The following CSMD1 variants were observed in gnomAD, a reference collection of about 807,000 sequenced individuals.
CSMD1 encodes CUB and Sushi multiple domains 1.
In CSMD1, 213 loss-of-function variants were observed where a neutral mutation model predicts 417.5. The ratio of observed to expected loss-of-function variants is 0.51; its 90% confidence interval spans 0.46 to 0.57. The LOEUF (loss-of-function observed/expected upper bound fraction) is 0.57. Among genes scored for constraint, CSMD1 ranks in the 20% least tolerant of loss-of-function variants. The pLI is 0.00. For synonymous variants in CSMD1, 2,862 were observed against 1,736.8 expected (o/e 1.65, Z -16.11); for missense variants, 6,923 against 4,529.7 (o/e 1.53, Z -15.17).
intron 7 of CSMD1, among the ~76,000 whole-genome samples, chr8:3,640,222 G>C (rs1797241958): frequency 6.6e-6 from 1 of 152,136 alleles, no homozygotes; most frequent in Non-Finnish European, 1.5e-5. Flanking sequence ...TCAATGTGCT[G>C]AGAATTGATT....
At chr8:3,139,423 G>C (rs576787179) in intron 41 of CSMD1, among the ~76,000 whole-genome samples, 16 of 152,288 alleles carry the variant, frequency 1.1e-4, no homozygotes, top group African/African-American at 3.4e-4. Flanking sequence ...AGGGAAAAGG[G>C]CGTCAAGAGA....
chr8:3,748,853 G>C (rs1284051404), intron 6 of CSMD1, among the ~76,000 whole-genome samples: 2 of 152,164 alleles, frequency 1.3e-5, no homozygotes, highest in East Asian at 3.9e-4. Flanking sequence ...CTAATTATTT[G>C]TGTCAACACA....
intron 7 of CSMD1, among the ~76,000 whole-genome samples, chr8:3,617,310 G>T (rs1802190435): frequency 6.6e-6 from 1 of 152,176 alleles, no homozygotes; most frequent in Non-Finnish European, 1.5e-5. Flanking sequence ...CAAATGCACT[G>T]ATTTATTTCT....
intron 3 of CSMD1, among the ~76,000 whole-genome samples, chr8:4,183,978 G>A (rs564865439): frequency 2.0e-5 from 3 of 152,144 alleles, no homozygotes; most frequent in African/African-American, 7.2e-5. Context: ...AAAATTCTCA[G>A]AGCCTCCGAC....
rs1401421470 is a variant in CSMD1 at position 4,474,949 on chromosome 8, T to TC, written c.303-54885dup. ...ATGTGTTAATTGACGGTTTGTGTTA[T>TC]CTGTAAGATTCCTGGTCAACTACAG... On this transcript the variant is annotated intron_variant, in intron 2 of 69. Transcript: ENST00000635120. 1.4e-4 allele frequency among the ~76,000 whole-genome samples: 21 copies of TC among 152,354 alleles called. 1 individual carries two copies. The highest frequency in any genetic ancestry group is 4.3e-4 in the African/African-American group (18 of 41,586).
chr8:3,069,918 C>T (rs185799400), intron 49 of CSMD1, among the ~76,000 whole-genome samples: 8 of 152,366 alleles, frequency 5.3e-5, no homozygotes, highest in Admixed American at 1.3e-4. Flanking sequence ...TAGAGGCTAT[C>T]AGGTACTCTT....
chr8:4,876,355 T>C (rs935864997), intron 1 of CSMD1, among the ~76,000 whole-genome samples: 1 of 152,008 alleles, frequency 6.6e-6, no homozygotes, highest in Admixed American at 6.5e-5. Context: ...TAACAAACAA[T>C]TGTGAAAAAA....
intron 1 of CSMD1, among the ~76,000 whole-genome samples, chr8:4,975,687 G>A (rs998686817): frequency 6.6e-6 from 1 of 152,134 alleles, no homozygotes; most frequent in African/African-American, 2.4e-5. Flanking sequence ...GTAGGCAAAG[G>A]GCTATTACCA....
At position 3,823,636 on chromosome 8, in the gene CSMD1, A is replaced by T. The variant is rs1585049548; in HGVS notation, c.819-69594T>A. 2.0e-5 allele frequency among the ~76,000 whole-genome samples: 3 copies of T among 152,310 alleles called. No homozygotes were observed. The South Asian group carries it at 6.2e-4, about 32-fold the overall frequency. On this transcript the variant is annotated intron_variant, in intron 5 of 69. Coordinates refer to ENST00000635120, the MANE Select transcript of CSMD1 (RefSeq NM_033225.6). ...ATCAAATAACATTTTTATAAAAATAATGTATAACAATAAAAATACAAAATC... is the reference window on the plus strand; with the variant it reads ...ATCAAATAACATTTTTATAAAAATATTGTATAACAATAAAAATACAAAATC...
chr8:3,257,247 C>T (rs1800720593), intron 26 of CSMD1, among the ~76,000 whole-genome samples: 1 of 152,198 alleles, frequency 6.6e-6, no homozygotes, highest in Non-Finnish European at 1.5e-5. Flanking sequence ...TCGCTTCAAC[C>T]TGGGAGGCAG....
At chr8:4,193,822 C>T (rs1437485747) in intron 3 of CSMD1, among the ~76,000 whole-genome samples, 2 of 151,928 alleles carry the variant, frequency 1.3e-5, no homozygotes, top group Non-Finnish European at 2.9e-5. Flanking sequence ...AGCAGGAAAA[C>T]AGAATACAGT....
chr8:3,562,102 T>A (rs1372340253), intron 10 of CSMD1, among the ~76,000 whole-genome samples: 1 of 147,664 alleles, frequency 6.8e-6, no homozygotes, highest in Non-Finnish European at 1.5e-5. Flanking sequence ...CAGATGAACA[T>A]AACCATATGA....
intron 69 of CSMD1, among the ~76,000 whole-genome samples, chr8:2,941,723 A>G (rs990822685): frequency 6.6e-6 from 1 of 152,222 alleles, no homozygotes; most frequent in Non-Finnish European, 1.5e-5. Context: ...AAGAGATGGA[A>G]CATCTATATT....
At chr8:4,241,896 A>T (rs1802428343) in intron 3 of CSMD1, among the ~76,000 whole-genome samples, 2 of 152,178 alleles carry the variant, frequency 1.3e-5, no homozygotes, top group Non-Finnish European at 1.5e-5. Flanking sequence ...AATGCAAGGC[A>T]TAAAGACAAC....
At chr8:3,875,934 G>T (rs1268715086) in intron 5 of CSMD1, among the ~76,000 whole-genome samples, 1 of 152,180 alleles carries the variant, frequency 6.6e-6, no homozygotes, top group African/African-American at 2.4e-5. Context: ...AGATCAATGG[G>T]AAGCTCGGAG....
chr8:4,302,522 G>T (rs947172251), intron 3 of CSMD1, among the ~76,000 whole-genome samples: 2 of 152,118 alleles, frequency 1.3e-5, no homozygotes, highest in African/African-American at 2.4e-5. Context: ...TTGCATGTAG[G>T]AAGTCAGATT....
chr8:3,976,999 G>T (rs2554715), intron 5 of CSMD1, among the ~76,000 whole-genome samples: 35,778 of 152,160 alleles, frequency 0.24, 4,370 homozygotes, highest in Admixed American at 0.34. Flanking sequence ...TGCAGTGGGT[G>T]GGGGCGTGAA....
chr8:4,011,369 T>C (rs1816520313), intron 4 of CSMD1, among the ~76,000 whole-genome samples: 1 of 152,220 alleles, frequency 6.6e-6, no homozygotes, highest in African/African-American at 2.4e-5. Flanking sequence ...TTTCTTTTGA[T>C]TCCATGTCTG....
chr8:3,227,134 C>G (rs1369629822), intron 27 of CSMD1, among the ~76,000 whole-genome samples: 2 of 152,078 alleles, frequency 1.3e-5, no homozygotes, highest in African/African-American at 4.8e-5. Context: ...GACACGATGG[C>G]TCACACCTGC....
Sources: allele counts gnomAD v4.1 joint callset (sites outside exome capture counted in the v4.1 genomes callset), GRCh38; gene constraint gnomAD v4.1.1; transcripts MANE v1.5; gene names NCBI Gene and HGNC (gene_info 2026-07-23, HGNC 2026-07-21).